Variants in MYO9B observed in about 807,000 individuals in gnomAD.
MYO9B encodes the protein myosin IXB.
MYO9B carries 71 observed loss-of-function variants against 229.5 expected under a neutral mutation model. The ratio of observed to expected loss-of-function variants is 0.31; its 90% CI spans 0.26 to 0.38. The LOEUF is 0.38. Ranked by LOEUF, MYO9B falls within the 10% of genes least tolerant of loss-of-function variation. MYO9B has a pLI of 1.00. For missense variants in MYO9B, 2,255 were observed against 2,920.5 expected, an observed-to-expected ratio of 0.77 and a Z score of 5.25; for synonymous variants, 1,185 against 1,235.8, an observed-to-expected ratio of 0.96 and a Z score of 0.86.
chr19:17,131,301 C>G (rs1027784162), intron 2 of MYO9B, among the ~76,000 whole-genome samples: 1 of 152,250 alleles, frequency 6.6e-6, no homozygotes, highest in Admixed American at 6.5e-5. Flanking sequence ...CGGAGTCTCG[C>G]TCTGTCACCC....
chr19:17,076,923 G>A (rs2057490557), intron 1 of MYO9B, among the ~76,000 whole-genome samples: 1 of 152,158 alleles, frequency 6.6e-6, no homozygotes, highest in Admixed American at 6.5e-5. Context: ...CAGCCCTGGA[G>A]AGGCACGACA....
At chr19:17,090,348 G>A (rs1568654707) in intron 1 of MYO9B, among the ~76,000 whole-genome samples, 1 of 151,916 alleles carries the variant, frequency 6.6e-6, no homozygotes, top group East Asian at 1.9e-4. Flanking sequence ...ACGAGGTTTC[G>A]CCATGTTCCC....
At chr19:17,133,355 A>G (rs559530481) in intron 2 of MYO9B, among the ~76,000 whole-genome samples, 69 of 152,186 alleles carry the variant, frequency 4.5e-4, no homozygotes, top group Non-Finnish European at 9.1e-4. Context: ...CATGTTATAC[A>G]ATAGATCGCT....
At chr19:17,089,218 T>C (rs1292222966) in intron 1 of MYO9B, among the ~76,000 whole-genome samples, 1 of 152,048 alleles carries the variant, frequency 6.6e-6, no homozygotes, top group Non-Finnish European at 1.5e-5. Flanking sequence ...TTTGTGGTCA[T>C]TCCTTCGTGT....
chr19:17,101,666 GAC>G lies in MYO9B; in HGVS notation c.-49_-48del, dbSNP rs1406470957. ...GCTCTGACCTCCCTTCTAGCTCCAGGACACGCGCGCCCCGAGCCTGGGAGGCA... is the reference window on the plus strand; with the variant it reads ...GCTCTGACCTCCCTTCTAGCTCCAGGACGCGCGCCCCGAGCCTGGGAGGCA... On this transcript the variant is annotated 5_prime_UTR_variant, in exon 2 of 40. Transcript: ENST00000682292. This position sits in a 1 kb window ranked among gnomAD's most constrained non-coding sequence, Gnocchi z 4.7. 3.4e-6 allele frequency: 5 copies of G among 1,492,394 alleles called. No homozygotes were observed. The highest frequency in any genetic ancestry group is 2.5e-5 in the East Asian group (1 of 40,492). 92.4% of individuals were successfully genotyped at this position (1,492,394 alleles called of 1,614,324 possible).
intron 2 of MYO9B, among the ~76,000 whole-genome samples, chr19:17,138,362 C>A (rs910923824): frequency 1.3e-5 from 2 of 152,150 alleles, no homozygotes; most frequent in Non-Finnish European, 2.9e-5. Context: ...AGTAAACATA[C>A]GTGTGCATGT....
At chr19:17,098,050 C>A (rs1014965533) in intron 1 of MYO9B, among the ~76,000 whole-genome samples, 20 of 150,530 alleles carry the variant, frequency 1.3e-4, no homozygotes, top group African/African-American at 1.2e-4. Context: ...TCAGAACCCC[C>A]CCCCCCCACC....
chr19:17,205,211 G>T, intron 30 of MYO9B, 52 bp from the exon 31 acceptor site: 1 of 1,513,602 alleles, frequency 6.6e-7, no homozygotes, highest in Non-Finnish European at 9.1e-7. Flanking sequence ...GTGGCTGCAG[G>T]AATCTGGGGT....
chr19:17,139,770 A>G (rs529737792), intron 2 of MYO9B, among the ~76,000 whole-genome samples: 30 of 152,190 alleles, frequency 2.0e-4, no homozygotes, highest in African/African-American at 6.3e-4. Flanking sequence ...GGCTGGGCAC[A>G]TTGGCTCAGG....
chr19:17,184,802 G>T (rs1033607752), intron 16 of MYO9B, 63 bp from the exon 17 acceptor site: 8 of 1,605,714 alleles, frequency 5.0e-6, no homozygotes. Flanking sequence ...GGACACCTGT[G>T]ATGCCTCCCC....
intron 1 of MYO9B, among the ~76,000 whole-genome samples, chr19:17,093,600 A>G (rs1303218761): frequency 1.3e-5 from 2 of 151,394 alleles, no homozygotes; most frequent in Non-Finnish European, 2.9e-5. Context: ...TGAACTTTTG[A>G]ATACAGAGTA....
At chr19:17,205,181 G>A in intron 30 of MYO9B, 82 bp from the exon 31 acceptor site, 2 of 1,093,118 alleles carry the variant, frequency 1.8e-6, no homozygotes, top group South Asian at 1.3e-5. Flanking sequence ...GCAATTGGCG[G>A]CCCCCGGCCA....
chr19:17,140,122 C>G (rs2072319993), intron 2 of MYO9B, among the ~76,000 whole-genome samples: 1 of 151,978 alleles, frequency 6.6e-6, no homozygotes, highest in Non-Finnish European at 1.5e-5. Context: ...AGAAGCAGTA[C>G]AGTAAGAGTA....
At position 17,209,680 on chromosome 19, in the gene MYO9B, C is replaced by T. The variant is rs190164544; in HGVS notation, c.5719C>T (p.Arg1907Cys). ...QLEAAESIAF[R>C]RLSLLRQNAP... is the part of the protein sequence containing the mutation. ...GGAGGCTGCAGAGAGTATCGCCTTC[C>T]GCAGGCTTTCGCTCCTGCGACAAAA... The change falls in exon 36 of 40, where the codon CGC becomes TGC. Residue 1907 changes from arginine to cysteine, a missense_variant. Transcript: ENST00000682292. 6 of 1,613,442 alleles carry T rather than the reference C, an allele frequency of 3.7e-6. No individual in the cohort carries two copies. The African/African-American group carries it at 4.0e-5, about 11-fold the overall frequency.
At chr19:17,105,253 A>G (rs1234804670) in intron 2 of MYO9B, among the ~76,000 whole-genome samples, 1 of 148,436 alleles carries the variant, frequency 6.7e-6, no homozygotes, top group African/African-American at 2.5e-5. Flanking sequence ...AGGCCGAGGC[A>G]GGAGGATCAC....
chr19:17,163,073 A>G lies in MYO9B; in HGVS notation c.1622A>G (p.Asn541Ser), dbSNP rs1186934753. 2 of 1,584,226 alleles carry G rather than the reference A, an allele frequency of 1.3e-6. No homozygotes were observed. Among genetic ancestry groups the G allele is most frequent in the South Asian group, 1.2e-5 (1 of 86,850 alleles). ...GAGCAGTTCTGCATCAACTACGCCAATGAGCAGCTGCAGTATTACTTCAAC... is the reference window on the plus strand; with the variant it reads ...GAGCAGTTCTGCATCAACTACGCCAGTGAGCAGCTGCAGTATTACTTCAAC... The part of the protein sequence containing the change: ...SFEQFCINYA[N>S]EQLQYYFNQH... The change falls in exon 10 of 40, where the codon AAT becomes AGT. Residue 541 changes from asparagine to serine, a missense_variant. This residue lies in a region of MYO9B where 220 missense variants were observed against 404.5 expected (regional missense o/e 0.54). Coordinates refer to ENST00000682292, the MANE Select transcript of MYO9B (RefSeq NM_004145.4).
chr19:17,152,855 C>A, intron 4 of MYO9B, 149 bp downstream of exon 4: 2 of 654,396 alleles, frequency 3.1e-6, no homozygotes, highest in Non-Finnish European at 2.6e-6. Flanking sequence ...CCTGCCCATC[C>A]ATCTTCTCCC....
intron 13 of MYO9B, among the ~76,000 whole-genome samples, chr19:17,175,447 C>T (rs1264507260): frequency 2.0e-5 from 3 of 151,856 alleles, no homozygotes; most frequent in Admixed American, 1.3e-4. Context: ...TAGCTGGGCA[C>T]AGTGGCCTGT....
chr19:17,181,285 T>G (rs1350490029), intron 15 of MYO9B, among the ~76,000 whole-genome samples: 1 of 152,230 alleles, frequency 6.6e-6, no homozygotes, highest in East Asian at 1.9e-4. Context: ...CACTCCTTCT[T>G]CGAGGCATCT....
Sources: allele counts gnomAD v4.1 joint callset (sites outside exome capture counted in the v4.1 genomes callset), GRCh38; gene constraint gnomAD v4.1.1; regional missense constraint gnomAD v4.1.1; non-coding constraint Gnocchi (gnomAD v3.1); transcripts MANE v1.5; gene names NCBI Gene and HGNC (gene_info 2026-07-23, HGNC 2026-07-21).